The following RBFOX1 variants were observed in gnomAD, a reference collection of about 807,000 sequenced individuals.
RBFOX1 encodes the protein RNA binding protein fox-1 homolog 1.
Under a neutral mutation model 57.7 loss-of-function variants are expected in RBFOX1, and 8 were observed. The observed-to-expected ratio is 0.14, with a 90% CI of 0.08 to 0.25. The LOEUF (loss-of-function observed/expected upper bound fraction) is 0.25, where lower values mean the gene tolerates loss of function less well. Among genes scored for constraint, RBFOX1 ranks in the 10% least tolerant of loss-of-function variants. The probability of loss-of-function intolerance (pLI) is 1.00; values close to 1 mark genes in which losing one functional copy is unlikely to be tolerated. For missense variants in RBFOX1, 611 were observed against 548.5 expected (o/e 1.11, Z -1.14); for synonymous variants, 326 against 222.4 (o/e 1.47, Z -4.15).
intron 1 of RBFOX1, among the ~76,000 whole-genome samples, chr16:6,109,118 G>T (rs1681096944): frequency 6.6e-6 from 1 of 152,156 alleles, no homozygotes; most frequent in Non-Finnish European, 1.5e-5. Flanking sequence ...GTTTTATCAT[G>T]CCATGTACAT....
chr16:7,156,816 C>T (rs1227209297), intron 4 of RBFOX1, among the ~76,000 whole-genome samples: 2 of 152,150 alleles, frequency 1.3e-5, no homozygotes, highest in Admixed American at 1.3e-4. Context: ...CTTGTACATG[C>T]ACAATTATAG....
chr16:5,436,516 C>A (rs1214566962), intron 1 of RBFOX1, among the ~76,000 whole-genome samples: 1 of 152,174 alleles, frequency 6.6e-6, no homozygotes, highest in Admixed American at 6.5e-5. Flanking sequence ...TTTTTTACAT[C>A]TAAAACAGAG....
rs180857725 is a variant in RBFOX1 at position 6,262,274 on chromosome 16, G to T, written c.-126-54721G>T. ...TTAAGTCACATTTCCTCTCTTTAAGGGTACTTCCTGGAAGCTGCATGTACC... is the reference window on the plus strand; with the variant it reads ...TTAAGTCACATTTCCTCTCTTTAAGTGTACTTCCTGGAAGCTGCATGTACC... On this transcript the variant is annotated intron_variant, in intron 1 of 15. Transcript: ENST00000550418. Among the ~76,000 whole-genome samples the T allele has an allele frequency of 2.0e-5, 3 of 152,124 alleles. No individual in the cohort carries two copies. The East Asian group carries it at 5.8e-4, about 29-fold the overall frequency.
chr16:6,030,849 C>G (rs1476621391), intron 1 of RBFOX1, among the ~76,000 whole-genome samples: 1 of 152,076 alleles, frequency 6.6e-6, no homozygotes, highest in Admixed American at 6.5e-5. Flanking sequence ...CATTTATTGC[C>G]TTTTTCATGC....
intron 1 of RBFOX1, among the ~76,000 whole-genome samples, chr16:5,249,629 C>G (rs766156651): frequency 9.9e-5 from 15 of 152,156 alleles, no homozygotes; most frequent in Non-Finnish European, 1.8e-4. Flanking sequence ...AGTTTTTGTT[C>G]TGCTTATTAA....
intron 10 of RBFOX1, among the ~76,000 whole-genome samples, chr16:7,611,587 A>AC (rs1291714282): frequency 6.6e-6 from 1 of 152,084 alleles, no homozygotes; most frequent in African/African-American, 2.4e-5. Flanking sequence ...CTCAAAAAAA[A>AC]AAAAAAAGGC....
chr16:7,265,290 G>A (rs557719730), intron 4 of RBFOX1, among the ~76,000 whole-genome samples: 7 of 151,880 alleles, frequency 4.6e-5, no homozygotes, highest in Admixed American at 1.3e-4. Flanking sequence ...ATGTGGTCTC[G>A]GTGGCTTATG....
chr16:7,194,689 A>T (rs2086247261), intron 4 of RBFOX1, among the ~76,000 whole-genome samples: 1 of 152,082 alleles, frequency 6.6e-6, no homozygotes, highest in Non-Finnish European at 1.5e-5. Context: ...GCAATTTTAG[A>T]GGTTGAGGTG....
chr16:5,443,450 G>T (rs989941727), intron 1 of RBFOX1, among the ~76,000 whole-genome samples: 8 of 152,182 alleles, frequency 5.3e-5, no homozygotes, highest in African/African-American at 1.9e-4. Flanking sequence ...TGATTCTCAT[G>T]CCTCAGCCTT....
At chr16:7,120,341 G>C (rs1290525165) in intron 4 of RBFOX1, among the ~76,000 whole-genome samples, 2 of 124,962 alleles carry the variant, frequency 1.6e-5, no homozygotes, top group Admixed American at 1.5e-4. Context: ...GTAAATGTAA[G>C]ATTAAAAAAA....
intron 3 of RBFOX1, among the ~76,000 whole-genome samples, chr16:5,757,788 T>A (rs1399099518): frequency 6.6e-6 from 1 of 152,198 alleles, no homozygotes; most frequent in Non-Finnish European, 1.5e-5. Context: ...TGCTAGTAAG[T>A]GGAGGAGCAG....
At chr16:7,013,158 G>A (rs2093732158) in intron 3 of RBFOX1, among the ~76,000 whole-genome samples, 1 of 152,120 alleles carries the variant, frequency 6.6e-6, no homozygotes, top group African/African-American at 2.4e-5. Flanking sequence ...ACAAATTTGT[G>A]GTGTAATGCT....
chr16:6,912,011 C>G (rs961385586), intron 3 of RBFOX1, among the ~76,000 whole-genome samples: 1 of 152,186 alleles, frequency 6.6e-6, no homozygotes, highest in African/African-American at 2.4e-5. Flanking sequence ...GAGTAAGATG[C>G]ATTCTTCAAA....
At chr16:5,710,629 G>C (rs1421501053) in intron 3 of RBFOX1, among the ~76,000 whole-genome samples, 1 of 152,202 alleles carries the variant, frequency 6.6e-6, no homozygotes, top group Non-Finnish European at 1.5e-5. Context: ...TTGGTGCACA[G>C]GATGTTTTAA....
chr16:6,382,721 G>A (rs1194346558), intron 2 of RBFOX1, among the ~76,000 whole-genome samples: 3 of 152,158 alleles, frequency 2.0e-5, no homozygotes, highest in Non-Finnish European at 4.4e-5. Flanking sequence ...TCAGCCAGAT[G>A]TGGTGGCAGG....
intron 3 of RBFOX1, among the ~76,000 whole-genome samples, chr16:6,814,185 A>G (rs1234696132): frequency 1.3e-5 from 2 of 150,052 alleles, no homozygotes; most frequent in African/African-American, 4.9e-5. Flanking sequence ...ATCTCATTGC[A>G]TGATCAACAT....
At position 5,856,575 on chromosome 16, in the gene RBFOX1, G is replaced by A. The variant is rs8057889; in HGVS notation, c.319-10728G>A. 6.9e-3 allele frequency among the ~76,000 whole-genome samples: 226 copies of A among 32,786 alleles called. 3 individuals carry two copies. The highest frequency in any genetic ancestry group is 0.018 in the Middle Eastern group (1 of 56). The allele number at this position is 32,786 out of a possible 152,430, so 21.5% of individuals were successfully genotyped here. The stretch of plus-strand genomic sequence containing the variant: ...TGTGTGTGTGTGTATGTGTGTGTGT[G>A]TATATATATATATATATATATATAT... On this transcript the variant is annotated intron_variant, in intron 3 of 19. Coordinates refer to the RBFOX1 transcript ENST00000641259.
chr16:6,861,669 A>G (rs560429016), intron 3 of RBFOX1, among the ~76,000 whole-genome samples: 6 of 151,398 alleles, frequency 4.0e-5, no homozygotes, highest in Admixed American at 2.6e-4. Flanking sequence ...AACCTCCTCT[A>G]TTTTTCACTG....
At chr16:7,698,607 T>TCTAA (rs1174159113) in intron 14 of RBFOX1, among the ~76,000 whole-genome samples, 1 of 152,216 alleles carries the variant, frequency 6.6e-6, no homozygotes, top group Non-Finnish European at 1.5e-5. Context: ...TGGCCATTCC[T>TCTAA]CTAACTGATC....
Sources: allele counts gnomAD v4.1 joint callset (sites outside exome capture counted in the v4.1 genomes callset), GRCh38; gene constraint gnomAD v4.1.1; transcripts MANE v1.5; gene names NCBI Gene and HGNC (gene_info 2026-07-23, HGNC 2026-07-21).